SPICE1: variants seen among roughly 807,000 people sequenced by gnomAD.
SPICE1 encodes spindle and centriole-associated protein 1.
In SPICE1, 75 loss-of-function variants were observed where a neutral mutation model predicts 102.7. The ratio of observed to expected loss-of-function variants is 0.73; its 90% confidence interval spans 0.61 to 0.88. The LOEUF (loss-of-function observed/expected upper bound fraction) is 0.88. Among genes scored for constraint, SPICE1 ranks in the 40% least tolerant of loss-of-function variants. The pLI is 0.00. For synonymous variants in SPICE1, 308 were observed against 350.3 expected, an observed-to-expected ratio of 0.88 and a Z score of 1.35; for missense variants, 979 against 1,020.1, an observed-to-expected ratio of 0.96 and a Z score of 0.55.
At position 113,465,887 on chromosome 3, in the gene SPICE1, T is replaced by C. The variant is rs1235468656; in HGVS notation, c.1156-103A>G. The C allele has an allele frequency of 8.1e-6, 9 of 1,105,212 alleles. No individual in the cohort carries two copies. The East Asian group carries it at 1.0e-4, about 12-fold the overall frequency. 68.5% of individuals were successfully genotyped at this position (1,105,212 alleles called of 1,614,324 possible). On this transcript the variant is annotated intron_variant, in intron 10 of 17. Transcript: ENST00000295872. ...AAGAAGATATTTACAAAGAAGCATA[T>C]ATTATGTGACAGTAATGATGAAGAG... is the stretch of plus-strand genomic sequence containing the variant.
chr3:113,507,016 C>A (rs777609687), intron 1 of SPICE1, among the ~76,000 whole-genome samples: 31 of 152,056 alleles, frequency 2.0e-4, no homozygotes, highest in Non-Finnish European at 3.1e-4. Context: ...AGTTGGAGTT[C>A]TTTTTTAAGC....
At chr3:113,464,250 T>C (rs1576627438) in intron 11 of SPICE1, among the ~76,000 whole-genome samples, 2 of 150,810 alleles carry the variant, frequency 1.3e-5, no homozygotes, top group African/African-American at 4.9e-5. Context: ...GTTTCAGTTT[T>C]TTGTTGTTTT....
At chr3:113,454,437 G>A (rs906196417) in intron 13 of SPICE1, among the ~76,000 whole-genome samples, 2 of 152,116 alleles carry the variant, frequency 1.3e-5, no homozygotes, top group African/African-American at 2.4e-5. Flanking sequence ...GGCCGGGCGC[G>A]GTGGCTCACT....
intron 7 of SPICE1, among the ~76,000 whole-genome samples, chr3:113,473,475 G>A (rs965923507): frequency 1.6e-4 from 24 of 152,050 alleles, no homozygotes; most frequent in East Asian, 1.9e-4. Flanking sequence ...ACACCAAGAC[G>A]CATAATTGTC....
intron 13 of SPICE1, among the ~76,000 whole-genome samples, chr3:113,456,383 T>C (rs184374317): frequency 1.3e-5 from 2 of 152,058 alleles, no homozygotes; most frequent in East Asian, 1.9e-4. Context: ...TCAAAAAACT[T>C]TGGAAGAGAG....
At chr3:113,470,057 C>T (rs902581120) in intron 7 of SPICE1, among the ~76,000 whole-genome samples, 5 of 152,160 alleles carry the variant, frequency 3.3e-5, no homozygotes, top group African/African-American at 7.2e-5. Context: ...CAGAGCTAAG[C>T]GTTATGCTAT....
At chr3:113,472,426 G>T (rs1054971554) in intron 7 of SPICE1, among the ~76,000 whole-genome samples, 1 of 152,244 alleles carries the variant, frequency 6.6e-6, no homozygotes, top group African/African-American at 2.4e-5. Context: ...GCTTTGAAGA[G>T]AGCAGTGGTT....
intron 12 of SPICE1, chr3:113,459,901 A>T: frequency 1.0e-6 from 1 of 984,876 alleles, no homozygotes; most frequent in Non-Finnish European, 1.2e-6. Flanking sequence ...AAAAAAAAAA[A>T]AATAGCAAGA....
At chr3:113,499,721 T>C (rs979544092) in intron 3 of SPICE1, 139 bp from the exon 4 acceptor site, 17 of 833,936 alleles carry the variant, frequency 2.0e-5, no homozygotes, top group Non-Finnish European at 2.6e-5. Context: ...TATATATTCA[T>C]AGCCAAAATT....
chr3:113,459,226 G>A (rs571183476), intron 12 of SPICE1, among the ~76,000 whole-genome samples: 12 of 152,056 alleles, frequency 7.9e-5, no homozygotes, highest in Non-Finnish European at 1.3e-4. Context: ...CAGCATACTC[G>A]TTAAGAGTCA....
intron 11 of SPICE1, among the ~76,000 whole-genome samples, chr3:113,462,340 A>C (rs1251690167): frequency 6.6e-6 from 1 of 152,248 alleles, no homozygotes; most frequent in Non-Finnish European, 1.5e-5. Flanking sequence ...GGAAAATTTA[A>C]ATCTTCAAGG....
intron 1 of SPICE1, among the ~76,000 whole-genome samples, chr3:113,510,555 G>A (rs980539230): frequency 3.9e-5 from 6 of 152,072 alleles, no homozygotes; most frequent in Admixed American, 3.9e-4. Flanking sequence ...TGGGAGAACT[G>A]GTGAGCCATA....
At chr3:113,506,676 G>T (rs926519798) in intron 1 of SPICE1, 71 bp from the exon 2 acceptor site, 4 of 1,142,272 alleles carry the variant, frequency 3.5e-6, no homozygotes, top group Admixed American at 2.4e-5. Context: ...AGTGGGGGAA[G>T]ACACCTGAAA....
At chr3:113,503,919 C>T (rs1185751298) in intron 2 of SPICE1, among the ~76,000 whole-genome samples, 2 of 119,552 alleles carry the variant, frequency 1.7e-5, no homozygotes, top group African/African-American at 6.6e-5. Flanking sequence ...AGCAACAAAG[C>T]GAGTTTCTAT....
intron 1 of SPICE1, among the ~76,000 whole-genome samples, chr3:113,513,127 TCAAA>T (rs1484581487): frequency 3.3e-5 from 5 of 152,058 alleles, no homozygotes; most frequent in African/African-American, 1.2e-4. Context: ...CCTCAAAACT[TCAAA>T]CACAGTGGCT....
rs1219203299 is a variant in SPICE1 at position 113,453,622 on chromosome 3, T to C, written c.1986A>G (p.Leu662=). The stretch of plus-strand genomic sequence containing the variant: ...GTGTCATTATGTCCTTTCTTTGTAT[T>C]AATGACTCATTTGTTCTCAGCTGCT... ...DGQQLRTNES[L]IQRKDIMTRI... The change falls in exon 14 of 18, where the codon TTA becomes TTG. Residue 662 remains leucine, a synonymous_variant. Transcript: ENST00000295872. 2 of 1,614,086 alleles carry C rather than the reference T, an allele frequency of 1.2e-6. No homozygotes were observed. Among genetic ancestry groups the C allele is most frequent in the Non-Finnish European group, 1.7e-6 (2 of 1,180,048 alleles).
At chr3:113,499,771 C>T (rs1376321405) in intron 3 of SPICE1, among the ~76,000 whole-genome samples, 189 bp from the exon 4 acceptor site, 1 of 152,064 alleles carries the variant, frequency 6.6e-6, no homozygotes, top group Non-Finnish European at 1.5e-5. Context: ...TTAAAGAAAG[C>T]AGTATATAGA....
At chr3:113,495,838 G>C (rs907089274) in intron 4 of SPICE1, among the ~76,000 whole-genome samples, 1 of 151,980 alleles carries the variant, frequency 6.6e-6, no homozygotes, top group African/African-American at 2.4e-5. Context: ...TAAAAGCATT[G>C]ACCTATCAAA....
intron 13 of SPICE1, among the ~76,000 whole-genome samples, chr3:113,456,916 A>G (rs1935791174): frequency 6.6e-6 from 1 of 152,220 alleles, no homozygotes; most frequent in Admixed American, 6.5e-5. Context: ...TTTAATACTT[A>G]CAATGTTTAA....
Sources: allele counts gnomAD v4.1 joint callset (sites outside exome capture counted in the v4.1 genomes callset), GRCh38; gene constraint gnomAD v4.1.1; transcripts MANE v1.5; gene names NCBI Gene and HGNC (gene_info 2026-07-23, HGNC 2026-07-21).